Variants in RBM44 observed in about 807,000 individuals in gnomAD.
RBM44 encodes RNA binding motif protein 44.
Under a neutral mutation model 105.1 loss-of-function variants are expected in RBM44, and 66 were observed. That is an observed-to-expected ratio of 0.63 (90% CI 0.52 to 0.77). The LOEUF is 0.77. RBM44 is among the 30% of genes least tolerant of loss of function. The probability of loss-of-function intolerance (pLI) is 0.00; values close to 1 mark genes in which losing one functional copy is unlikely to be tolerated. For synonymous variants in RBM44, 365 were observed against 417.6 expected (o/e 0.87, Z 1.54); for missense variants, 1,122 against 1,207.8 (o/e 0.93, Z 1.05).
intron 1 of RBM44, among the ~76,000 whole-genome samples, chr2:237,811,435 A>AT (rs1190233363): frequency 6.6e-6 from 1 of 151,886 alleles, no homozygotes; most frequent in Admixed American, 6.6e-5. Context: ...TGCCTGGCTA[A>AT]TTTTTTAATT....
At chr2:237,829,678 T>TG (rs979445198) in intron 13 of RBM44, among the ~76,000 whole-genome samples, 176 bp downstream of exon 13, 1 of 152,196 alleles carries the variant, frequency 6.6e-6, no homozygotes, top group Admixed American at 6.5e-5. Context: ...CAATTGTTCC[T>TG]GGGGGGAAAT....
intron 1 of RBM44, among the ~76,000 whole-genome samples, chr2:237,810,726 G>A (rs543141359): frequency 6.6e-6 from 1 of 152,168 alleles, no homozygotes; most frequent in African/African-American, 2.4e-5. Flanking sequence ...GTGGTCTAAG[G>A]CATGGGGAAA....
chr2:237,806,871 G>C (rs1237622722), intron 1 of RBM44, among the ~76,000 whole-genome samples: 2 of 152,170 alleles, frequency 1.3e-5, no homozygotes, highest in African/African-American at 4.8e-5. Flanking sequence ...AAATGGGTGG[G>C]GTGGGGGGTG....
At chr2:237,839,299 G>A (rs577319538) in intron 15 of RBM44, among the ~76,000 whole-genome samples, 2 of 152,126 alleles carry the variant, frequency 1.3e-5, no homozygotes, top group African/African-American at 2.4e-5. Flanking sequence ...GTTTTGAGAC[G>A]GAGTCACTCA....
chr2:237,817,404 A>G lies in RBM44; in HGVS notation c.485A>G (p.Asn162Ser), dbSNP rs754098285. 5.0e-6 allele frequency: 8 copies of G among 1,601,564 alleles called. No homozygotes were observed. The highest frequency in any genetic ancestry group is 2.2e-5 in the East Asian group (1 of 44,524). The change falls in exon 3 of 16, where the codon AAT becomes AGT. Residue 162 changes from asparagine to serine, a missense_variant. Around this residue, in one of 3 missense-constraint regions of RBM44, gnomAD observed 918 missense variants for 955.3 expected, o/e 0.96. Transcript: ENST00000316997. ...DKTVGLERIY[N>S]ISDANYRESA... Reference sequence around the variant, plus strand: ...ACTGTTGGCTTGGAAAGAATCTACAATATTTCAGATGCTAATTATAGAGAA... The same window carrying G: ...ACTGTTGGCTTGGAAAGAATCTACAGTATTTCAGATGCTAATTATAGAGAA...
Position 237,840,181 on chromosome 2 carries a change from C to CT in RBM44, c.*23-1657dup, listed in dbSNP as rs1387939836. 8.5e-5 allele frequency among the ~76,000 whole-genome samples: 9 copies of CT among 105,940 alleles called. No homozygotes were observed. In the East Asian group the frequency reaches 1.7e-3, roughly 20 times the overall value. 69.5% of individuals were successfully genotyped at this position (105,940 alleles called of 152,430 possible). A position where few individuals can be genotyped will look rare whatever the true frequency, so the allele number is the denominator to read the frequency against. On this transcript the variant is annotated intron_variant, in intron 15 of 15. Transcript: ENST00000316997. ...CCAGTCTGGGTGATAGAGCAAGACT[C>CT]TATCTCAAAAAAAAAAAAAAAAAAA... is the stretch of plus-strand genomic sequence containing the variant.
chr2:237,817,547 GAT>G lies in RBM44; in HGVS notation c.633_634del (p.Ser212Ter), dbSNP rs1404774686. On this transcript the variant is annotated frameshift_variant, in exon 3 of 16. Transcript: ENST00000316997. LOFTEE classifies it high-confidence loss of function. ...ATCTTTTGACCAAACAAAAGCATTA[GAT>G]ATATCTAATCCAGAAGTTGTTGAAT... ...HLSFDQTKAL[D>X]ISNPEVVELG... 3.7e-6 allele frequency: 6 copies of G among 1,611,676 alleles called. No homozygotes were observed. The highest frequency in any genetic ancestry group is 5.1e-6 in the Non-Finnish European group (6 of 1,178,818).
chr2:237,821,382 T>C lies in RBM44; in HGVS notation c.2120+14T>C. On this transcript the variant is annotated intron_variant, in intron 7 of 15. Coordinates refer to ENST00000316997, the MANE Select transcript of RBM44 (RefSeq NM_001080504.3). ...AGAAACACATGTGTGAGTTATGGTT[T>C]CATTTGATTTATAATTCATTAGATC... 1 of 1,537,916 alleles carries C rather than the reference T, an allele frequency of 6.5e-7. No individual in the cohort carries two copies. The highest frequency in any genetic ancestry group is 8.8e-7 in the Non-Finnish European group (1 of 1,135,274).
chr2:237,829,561 C>A, intron 13 of RBM44, 59 bp downstream of exon 13: 1 of 1,414,192 alleles, frequency 7.1e-7, no homozygotes, highest in Non-Finnish European at 9.6e-7. Context: ...CTGTAAGTAG[C>A]TTTGTAGAAT....
At chr2:237,815,946 G>GT (rs1346553063) in intron 2 of RBM44, among the ~76,000 whole-genome samples, 7 of 151,980 alleles carry the variant, frequency 4.6e-5, no homozygotes, top group Non-Finnish European at 1.0e-4. Context: ...CTTTAATGAA[G>GT]TTTTCAGTGG....
rs1325486345 is a variant in RBM44 at position 237,818,660 on chromosome 2, A to C, written c.1677+64A>C. 1.7e-6 allele frequency: 2 copies of C among 1,184,074 alleles called. No individual in the cohort carries two copies. The highest frequency in any genetic ancestry group is 3.1e-5 in the African/African-American group (2 of 64,454). 73.3% of individuals were successfully genotyped at this position (1,184,074 alleles called of 1,614,324 possible). On this transcript the variant is annotated intron_variant, in intron 3 of 15. Coordinates refer to ENST00000316997, the MANE Select transcript of RBM44 (RefSeq NM_001080504.3). The surrounding 1 kb of genome is among the most constrained non-coding windows in gnomAD (Gnocchi z 4.6). ...TAAAGAGACAGTGTATGCTAATGTA[A>C]GTGTTTTTGGTTCGTTGAATTAAGG...
intron 1 of RBM44, among the ~76,000 whole-genome samples, chr2:237,808,330 G>A (rs1291922176): frequency 6.6e-6 from 1 of 151,906 alleles, no homozygotes; most frequent in Non-Finnish European, 1.5e-5. Flanking sequence ...TGCACCTGTA[G>A]TCCTAGCTAC....
rs774611482 is a variant in RBM44, at chr2:237,834,350, T to A, written c.3105T>A (p.Thr1035=). The A allele has an allele frequency of 1.3e-6, 2 of 1,560,158 alleles. No individual in the cohort carries two copies. Among genetic ancestry groups the A allele is most frequent in the African/African-American group, 1.4e-5 (1 of 73,792 alleles). Residue 1035 remains threonine, a synonymous_variant, in exon 15 of 16, where the codon ACT becomes ACA. Transcript: ENST00000316997. ...HKGFLNGLSI[T]TIVEMTSSLL... ...GTTTTCTGAATGGCTTATCTATTAC[T>A]ACTATTGTGGAGATGACTTCATCTC...
At chr2:237,840,785 A>G (rs555865072) in intron 15 of RBM44, among the ~76,000 whole-genome samples, 1 of 152,350 alleles carries the variant, frequency 6.6e-6, no homozygotes, top group East Asian at 1.9e-4. Context: ...GTCTCAAAAG[A>G]ATACATTCAC....
rs2061749729 is a variant in RBM44 at position 237,818,667 on chromosome 2, T to C, written c.1677+71T>C. On this transcript the variant is annotated intron_variant, in intron 3 of 15. Transcript: ENST00000316997. This position sits in a 1 kb window ranked among gnomAD's most constrained non-coding sequence, Gnocchi z 4.6. ...ACAGTGTATGCTAATGTAAGTGTTT[T>C]TGGTTCGTTGAATTAAGGCTTTTGT... 1.2e-5 allele frequency: 13 copies of C among 1,108,678 alleles called. No individual in the cohort carries two copies. The highest frequency in any genetic ancestry group is 1.6e-5 in the Non-Finnish European group (13 of 802,750). 68.7% of individuals were successfully genotyped at this position (1,108,678 alleles called of 1,614,324 possible).
At chr2:237,801,515 AG>A (rs1245071912) in intron 1 of RBM44, among the ~76,000 whole-genome samples, 4 of 152,070 alleles carry the variant, frequency 2.6e-5, no homozygotes, top group African/African-American at 9.7e-5. Context: ...TGTTAGAAAC[AG>A]GGGTTTCACC....
At position 237,821,070 on chromosome 2, in the gene RBM44, G is replaced by A; in HGVS notation, c.1914-1G>A. ...GTTTTGTGCACTCAACTTTTGAACA[G>A]GAATTTATCAAGTAATTCTGCTAAG... is the stretch of plus-strand genomic sequence containing the variant. On this transcript the variant is annotated splice_acceptor_variant, in intron 5 of 15. Transcript: ENST00000316997. LOFTEE classifies it high-confidence loss of function. 1.9e-6 allele frequency: 3 copies of A among 1,578,708 alleles called. No individual in the cohort carries two copies. Among genetic ancestry groups the A allele is most frequent in the Non-Finnish European group, 2.6e-6 (3 of 1,169,606 alleles).
chr2:237,811,042 G>GC (rs1389765554), intron 1 of RBM44, among the ~76,000 whole-genome samples: 1 of 152,058 alleles, frequency 6.6e-6, no homozygotes, highest in Non-Finnish European at 1.5e-5. Context: ...ACGCCCTTCA[G>GC]CTGCTGCAGC....
At chr2:237,823,763 T>C (rs2061817987) in intron 9 of RBM44, among the ~76,000 whole-genome samples, 1 of 152,168 alleles carries the variant, frequency 6.6e-6, no homozygotes, top group African/African-American at 2.4e-5. Context: ...AATAATAATA[T>C]GGACTCTTAT....
Sources: allele counts gnomAD v4.1 joint callset (sites outside exome capture counted in the v4.1 genomes callset), GRCh38; gene constraint gnomAD v4.1.1; regional missense constraint gnomAD v4.1.1; non-coding constraint Gnocchi (gnomAD v3.1); transcripts MANE v1.5; gene names NCBI Gene and HGNC (gene_info 2026-07-23, HGNC 2026-07-21).